Variants in GRIN2A observed in about 807,000 individuals in gnomAD.
GRIN2A encodes the protein glutamate ionotropic receptor NMDA type subunit 2A, also known as glutamate receptor ionotropic, NMDA 2A.
A neutral mutation model predicts 113.4 loss-of-function variants in GRIN2A; 22 were observed. That is an observed-to-expected ratio of 0.19 (90% CI 0.14 to 0.28). The LOEUF is 0.28. GRIN2A is among the 10% of genes least tolerant of loss of function. The pLI is 1.00. For synonymous variants in GRIN2A, 827 were observed against 738.4 expected (o/e 1.12, Z -1.94); for missense variants, 1,502 against 1,887.0 (o/e 0.80, Z 3.78).
In GRIN2A at chr16:9,809,295, C is replaced by T. The variant is rs141357957; in HGVS notation, c.2169-10831G>A. Reference sequence around the variant, plus strand: ...ATCAGCTGGGCGTCATGGCGCACCCCTGTAGTAGCCTGTAAACCCAGCTAC... The same window carrying T: ...ATCAGCTGGGCGTCATGGCGCACCCTTGTAGTAGCCTGTAAACCCAGCTAC... On this transcript the variant is annotated intron_variant, in intron 10 of 12. Coordinates refer to ENST00000330684, the MANE Select transcript of GRIN2A (RefSeq NM_001134407.3). Among the ~76,000 whole-genome samples, 1,375 of 152,072 alleles carry T rather than the reference C, an allele frequency of 9.0e-3. 8 individuals carry two copies. Among genetic ancestry groups the T allele is most frequent in the Middle Eastern group, 0.014 (4 of 292 alleles).
chr16:10,089,721 T>A (rs1005436028), intron 2 of GRIN2A, among the ~76,000 whole-genome samples: 1 of 152,100 alleles, frequency 6.6e-6, no homozygotes, highest in Non-Finnish European at 1.5e-5. Context: ...AATCAGATAA[T>A]AATAACAGAG....
chr16:9,778,469 G>C (rs1309300163), intron 11 of GRIN2A, among the ~76,000 whole-genome samples: 1 of 152,294 alleles, frequency 6.6e-6, no homozygotes, highest in East Asian at 1.9e-4. Context: ...CTTATCATGG[G>C]AAGGTTATGA....
At chr16:9,889,086 G>A (rs1411823351) in intron 4 of GRIN2A, among the ~76,000 whole-genome samples, 5 of 151,980 alleles carry the variant, frequency 3.3e-5, no homozygotes, top group Non-Finnish European at 1.5e-5. Context: ...TAGGCCAGGA[G>A]TTTCTCTTTT....
chr16:10,066,825 T>TA (rs553592086), intron 2 of GRIN2A, among the ~76,000 whole-genome samples: 132 of 152,296 alleles, frequency 8.7e-4, no homozygotes, highest in African/African-American at 2.9e-3. Flanking sequence ...CACTGATATG[T>TA]AAGACCAGCC....
rs368440284 is a variant in GRIN2A, at chr16:9,897,278, T to C, written c.1008-6178A>G. ...CACATTTCCTCTGGTATTTACAGTA[T>C]TAAGTGTATGAAGCTGAAGTCCAGG... On this transcript the variant is annotated intron_variant, in intron 3 of 12. Coordinates refer to ENST00000330684, the MANE Select transcript of GRIN2A (RefSeq NM_001134407.3). Among the ~76,000 whole-genome samples, 18 of 152,064 alleles carry C rather than the reference T, an allele frequency of 1.2e-4. No homozygotes were observed. The East Asian group carries it at 3.1e-3, about 26-fold the overall frequency.
chr16:10,128,110 T>G (rs186469046), intron 2 of GRIN2A, among the ~76,000 whole-genome samples: 1 of 152,160 alleles, frequency 6.6e-6, no homozygotes, highest in African/African-American at 2.4e-5. Context: ...CTTATTTTCA[T>G]CCATTGTTGC....
At chr16:10,085,499 G>A (rs1220279886) in intron 2 of GRIN2A, among the ~76,000 whole-genome samples, 1 of 152,080 alleles carries the variant, frequency 6.6e-6, no homozygotes, top group Non-Finnish European at 1.5e-5. Flanking sequence ...AGGACATGAA[G>A]GCACTCAGTG....
intron 3 of GRIN2A, among the ~76,000 whole-genome samples, chr16:9,926,827 TC>T (rs1240464363): frequency 6.6e-6 from 1 of 152,106 alleles, no homozygotes; most frequent in African/African-American, 2.4e-5. Context: ...ACTAACTCCA[TC>T]TTTTTCATGG....
intron 2 of GRIN2A, among the ~76,000 whole-genome samples, chr16:10,096,588 C>T (rs1236276493): frequency 9.4e-6 from 1 of 106,492 alleles, no homozygotes; most frequent in African/African-American, 3.1e-5. Context: ...CTCTCTTGGC[C>T]GGTCAGCATA....
intron 2 of GRIN2A, among the ~76,000 whole-genome samples, chr16:10,088,655 A>C (rs888052488): frequency 1.3e-5 from 2 of 152,200 alleles, no homozygotes; most frequent in Non-Finnish European, 2.9e-5. Flanking sequence ...GTTTCTACTC[A>C]AAGGACTGGC....
At chr16:10,173,380 C>T (rs72776080) in intron 2 of GRIN2A, among the ~76,000 whole-genome samples, 10,199 of 152,310 alleles carry the variant, frequency 0.067, 494 homozygotes, top group Non-Finnish European at 0.11. Context: ...TGAGCTGTTA[C>T]TCAGCAGTTC....
intron 11 of GRIN2A, among the ~76,000 whole-genome samples, chr16:9,791,532 CAT>C (rs1175433741): frequency 4.6e-5 from 7 of 152,172 alleles, no homozygotes; most frequent in Admixed American, 3.3e-4. Context: ...AGAATGGACA[CAT>C]GTGTGGTCAT....
chr16:9,883,807 C>T (rs2043534503), intron 4 of GRIN2A, among the ~76,000 whole-genome samples: 1 of 152,056 alleles, frequency 6.6e-6, no homozygotes. Flanking sequence ...GCAAAATGCA[C>T]CTGAAACCAA....
rs1485311851 is a variant in GRIN2A at position 9,757,527 on chromosome 16, A to G, written c.*5622T>C. ...GAACTGAACTTCTAAACCATAAGCTACTTATGGGAAGAGACTATATTTTCT... is the reference window on the plus strand; with the variant it reads ...GAACTGAACTTCTAAACCATAAGCTGCTTATGGGAAGAGACTATATTTTCT... On this transcript the variant is annotated 3_prime_UTR_variant, in exon 13 of 13. Coordinates refer to ENST00000330684, the MANE Select transcript of GRIN2A (RefSeq NM_001134407.3). The G allele has an allele frequency of 4.4e-6, 1 of 228,490 alleles. No homozygotes were observed. The highest frequency in any genetic ancestry group is 8.7e-6 in the Non-Finnish European group (1 of 115,138). 14.2% of individuals were successfully genotyped at this position (228,490 alleles called of 1,614,324 possible). A position where few individuals can be genotyped will look rare whatever the true frequency, so the allele number is the denominator to read the frequency against.
intron 2 of GRIN2A, among the ~76,000 whole-genome samples, chr16:10,103,396 A>G (rs941956061): frequency 6.6e-6 from 1 of 152,230 alleles, no homozygotes; most frequent in African/African-American, 2.4e-5. Context: ...TCTGAAGGGC[A>G]GTGATCAATC....
At chr16:10,098,648 G>C (rs1342332402) in intron 2 of GRIN2A, among the ~76,000 whole-genome samples, 2 of 152,140 alleles carry the variant, frequency 1.3e-5, no homozygotes, top group Non-Finnish European at 2.9e-5. Context: ...TGAATTAATG[G>C]CATCTGCACC....
chr16:9,882,873 T>G (rs1162060835), intron 4 of GRIN2A, among the ~76,000 whole-genome samples: 1 of 152,216 alleles, frequency 6.6e-6, no homozygotes, highest in African/African-American at 2.4e-5. Flanking sequence ...TAGAATCAAT[T>G]GCATCCAGTG....
chr16:10,038,805 G>A (rs973176436), intron 2 of GRIN2A, among the ~76,000 whole-genome samples: 5 of 150,344 alleles, frequency 3.3e-5, no homozygotes, highest in African/African-American at 1.2e-4. Flanking sequence ...CCGAGATCGC[G>A]CCACTGCACT....
chr16:9,889,831 A>T (rs1209901414), intron 4 of GRIN2A, among the ~76,000 whole-genome samples: 1 of 152,138 alleles, frequency 6.6e-6, no homozygotes, highest in Non-Finnish European at 1.5e-5. Context: ...CATTATTTCA[A>T]TTCTTCTAAA....
Sources: gnomAD v4.1 joint callset for allele counts (sites outside exome capture counted in the v4.1 genomes callset) on GRCh38, gnomAD v4.1.1 for gene constraint, MANE v1.5 for transcripts, NCBI Gene and HGNC (gene_info 2026-07-23, HGNC 2026-07-21) for gene names.